Variants in TMED9 observed in about 807,000 individuals in gnomAD.
TMED9 encodes transmembrane emp24 domain-containing protein 9.
A neutral mutation model predicts 30.6 loss-of-function variants in TMED9; 22 were observed. The ratio of observed to expected loss-of-function variants is 0.72; its 90% CI spans 0.51 to 1.03. TMED9 has a LOEUF of 1.03. Among genes scored for constraint, TMED9 ranks in the 50% least tolerant of loss-of-function variants. The probability of loss-of-function intolerance (pLI) is 0.00; values close to 1 mark genes in which losing one functional copy is unlikely to be tolerated. For missense variants in TMED9, 251 were observed against 302.1 expected, an observed-to-expected ratio of 0.83 and a Z score of 1.25; for synonymous variants, 146 against 122.8, an observed-to-expected ratio of 1.19 and a Z score of -1.25.
In TMED9 at chr5:177,595,292, C is replaced by T; in HGVS notation, c.584C>T (p.Thr195Ile). The T allele has an allele frequency of 6.2e-7, 1 of 1,603,766 alleles. No individual in the cohort carries two copies. Among genetic ancestry groups the T allele is most frequent in the East Asian group, 2.3e-5 (1 of 44,330 alleles). The part of the protein sequence containing the change: ...QRWREERFRQ[T>I]SESTNQRVLW... Reference sequence around the variant, plus strand: ...TGGCGAGAGGAGCGCTTCCGGCAGACCAGTGAGAGCACCAACCAGCGGGTG... The same window carrying T: ...TGGCGAGAGGAGCGCTTCCGGCAGATCAGTGAGAGCACCAACCAGCGGGTG... The change falls in exon 5 of 5, where the codon ACC (threonine) becomes ATC (isoleucine). Residue 195 changes from threonine to isoleucine, a missense_variant. By Grantham distance (89) the Thr-to-Ile change is moderately conservative. This residue lies in a region of TMED9 where 153 missense variants were observed against 239.6 expected (regional missense o/e 0.64). Transcript: ENST00000332598.
At chr5:177,593,400 G>A (rs4490602) in intron 2 of TMED9, 1 of 459,156 alleles carries the variant, frequency 2.2e-6, no homozygotes, top group Non-Finnish European at 3.9e-6. Flanking sequence ...AGCTATAAAG[G>A]AAAGCCCTTC....
intron 4 of TMED9, 126 bp from the exon 5 acceptor site, chr5:177,595,141 T>G: frequency 1.0e-6 from 1 of 995,238 alleles, no homozygotes; most frequent in Non-Finnish European, 1.4e-6. Flanking sequence ...CCAGGTAGAG[T>G]GACACTTTGC....
intron 4 of TMED9, 110 bp downstream of exon 4, chr5:177,594,395 C>G: frequency 7.5e-7 from 1 of 1,330,944 alleles, no homozygotes; most frequent in East Asian, 2.5e-5. Flanking sequence ...CTTACCTGCA[C>G]TGCATTGTAG....
chr5:177,594,937 T>G (rs1162849460), intron 4 of TMED9, among the ~76,000 whole-genome samples: 1 of 152,162 alleles, frequency 6.6e-6, no homozygotes, highest in African/African-American at 2.4e-5. Flanking sequence ...AGGAGCAGTG[T>G]GGGAGACCTA....
At position 177,592,696 on chromosome 5, in the gene TMED9, CT is replaced by C. The variant is rs749568290; in HGVS notation, c.285+22del. ...ACAAGGTGAGCCAACCGCCCCCCTC[CT>C]CTCCGCCAGCCTCTCAGCTAGGCGG... On this transcript the variant is annotated intron_variant, in intron 2 of 4. Transcript: ENST00000332598. 44 of 1,543,442 alleles carry C rather than the reference CT, an allele frequency of 2.9e-5. No individual in the cohort carries two copies. In the African/African-American group the frequency reaches 5.4e-4, roughly 19 times the overall value.
chr5:177,593,288 T>A (rs1391125762), intron 2 of TMED9: 1 of 194,330 alleles, frequency 5.1e-6, no homozygotes, highest in Non-Finnish European at 1.1e-5. Flanking sequence ...ATAGCATCAC[T>A]GCACTCCAGC....
intron 4 of TMED9, 22 bp from the exon 5 acceptor site, chr5:177,595,245 C>T (rs1010905692): frequency 1.3e-6 from 2 of 1,526,488 alleles, no homozygotes. Context: ...CCAACTCAGG[C>T]TCACCTTATA....
At chr5:177,592,489 G>C in intron 1 of TMED9, 86 bp from the exon 2 acceptor site, 2 of 1,557,124 alleles carry the variant, frequency 1.3e-6, no homozygotes, top group Non-Finnish European at 1.7e-6. Context: ...AGAGCCGGGA[G>C]GAGACGGCCT....
At position 177,595,344 on chromosome 5, in the gene TMED9, C is replaced by T; in HGVS notation, c.636C>T (p.Leu212=). 2.5e-6 allele frequency: 4 copies of T among 1,613,422 alleles called. No individual in the cohort carries two copies. The highest frequency in any genetic ancestry group is 3.4e-6 in the Non-Finnish European group (4 of 1,179,490). Residue 212 remains leucine (L), a synonymous_variant, in exon 5 of 5, where the codon CTC becomes CTT. Coordinates refer to ENST00000332598, the MANE Select transcript of TMED9 (RefSeq NM_017510.6). ...TGTGGTGGTCCATTCTGCAGACCCT[C>T]ATCCTCGTGGCCATCGGTGTCTGGC... ...RVLWWSILQT[L]ILVAIGVWQM...
chr5:177,594,034 G>C (rs1456380229), intron 3 of TMED9, 105 bp from the exon 4 acceptor site: 1 of 1,471,268 alleles, frequency 6.8e-7, no homozygotes, highest in East Asian at 2.3e-5. Context: ...CCAGTCTGTT[G>C]GCTAAATGAA....
chr5:177,593,504 C>T, intron 2 of TMED9, 146 bp from the exon 3 acceptor site: 1 of 1,017,570 alleles, frequency 9.8e-7, no homozygotes, highest in Non-Finnish European at 1.5e-6. Flanking sequence ...ATGGCAACAG[C>T]TGCTGAGCAG....
chr5:177,594,185 C>T lies in TMED9; in HGVS notation c.458C>T (p.Ala153Val), dbSNP rs577200733. The change falls in exon 4 of 5, where the codon GCA becomes GTA. Residue 153 changes from alanine to valine, a missense_variant. Coordinates refer to ENST00000332598, the MANE Select transcript of TMED9 (RefSeq NM_017510.6). Reference sequence around the variant, plus strand: ...GTAGGTGAACATGCCAATGACTATGCAGAAATTGCTGCTAAAGACAAGTTG... The same window carrying T: ...GTAGGTGAACATGCCAATGACTATGTAGAAATTGCTGCTAAAGACAAGTTG... Reference protein sequence around the residue: ...IQVGEHANDYAEIAAKDKLSE... With the variant: ...IQVGEHANDYVEIAAKDKLSE... The T allele has an allele frequency of 5.0e-6, 8 of 1,614,210 alleles. No homozygotes were observed. In the Admixed American group the frequency reaches 6.7e-5, roughly 13 times the overall value.
In TMED9 at chr5:177,592,349, G is replaced by C. The variant is rs1185811543; in HGVS notation, c.135G>C (p.Thr45=). The C allele has an allele frequency of 1.3e-5, 21 of 1,605,500 alleles. No homozygotes were observed. Among genetic ancestry groups the C allele is most frequent in the Non-Finnish European group, 1.8e-5 (21 of 1,176,190 alleles). The change falls in exon 1 of 5, where the codon ACG becomes ACC. Residue 45 remains threonine (T), a synonymous_variant. Transcript: ENST00000332598. ...GSALYFHIGE[T]EKKCFIEEIP... ...CGCTCTACTTTCACATCGGAGAGAC[G>C]GAGAAGAAGTGCTTTATTGAGGAGA...
In TMED9 at chr5:177,597,137, A is replaced by G. The variant is rs181189763; in HGVS notation, c.*1721A>G. ...GAAAAAAAAAAGTTTTTTGGCGGGC[A>G]CGGTGGTTCACACCTGTAATCCCAG... On this transcript the variant is annotated 3_prime_UTR_variant, in exon 5 of 5. Transcript: ENST00000332598. Among the ~76,000 whole-genome samples, 1 of 151,676 alleles carries G rather than the reference A, an allele frequency of 6.6e-6. No individual in the cohort carries two copies. Among genetic ancestry groups the G allele is most frequent in the Non-Finnish European group, 1.5e-5 (1 of 67,974 alleles).
At chr5:177,593,487 CA>C in intron 2 of TMED9, 162 bp from the exon 3 acceptor site, 1 of 860,136 alleles carries the variant, frequency 1.2e-6, no homozygotes, top group Non-Finnish European at 1.8e-6. Context: ...AGTTCTCACA[CA>C]AGCATATGGC....
At position 177,592,287 on chromosome 5, in the gene TMED9, C is replaced by T. The variant is rs1767598333; in HGVS notation, c.73C>T (p.Leu25Phe). Residue 25 changes from leucine (L) to phenylalanine (F), a missense_variant, in exon 1 of 5, where the codon CTC becomes TTC. Physicochemically the swap from Leu to Phe is conservative, Grantham distance 22 (BLOSUM62 0). This residue lies in a region of TMED9 where 98 missense variants were observed against 62.5 expected (regional missense o/e 1.57). Transcript: ENST00000332598. ...CGGGCTGGGTAGAGTGATGCGGACC[C>T]TCCTGCTGGTGCTGTGGCTGGCGAC... ...GTGLGRVMRT[L>F]LLVLWLATRG... is the part of the protein sequence containing the mutation. The T allele has an allele frequency of 6.2e-7, 1 of 1,611,852 alleles. No individual in the cohort carries two copies. The highest frequency in any genetic ancestry group is 8.5e-7 in the Non-Finnish European group (1 of 1,179,114).
chr5:177,592,382 C>T lies in TMED9; in HGVS notation c.168C>T (p.Asp56=). 2 of 1,601,340 alleles carry T rather than the reference C, an allele frequency of 1.2e-6. No homozygotes were observed. Among genetic ancestry groups the T allele is most frequent in the Non-Finnish European group, 1.7e-6 (2 of 1,174,030 alleles). The change falls in exon 1 of 5, where the codon GAC becomes GAT. Residue 56 remains aspartate, a synonymous_variant. Coordinates refer to ENST00000332598, the MANE Select transcript of TMED9 (RefSeq NM_017510.6). Reference sequence around the variant, plus strand: ...AGTGCTTTATTGAGGAGATCCCGGACGAGACCATGGTCATAGGTGCGGGGG... The same window carrying T: ...AGTGCTTTATTGAGGAGATCCCGGATGAGACCATGGTCATAGGTGCGGGGG... ...EKKCFIEEIP[D]ETMVIGNYRT... is the part of the protein sequence containing the mutation.
At position 177,594,136 on chromosome 5, in the gene TMED9, CAGAG is replaced by C; in HGVS notation, c.412_415del (p.Arg138PhefsTer7). The C allele has an allele frequency of 6.2e-7, 1 of 1,614,140 alleles. No individual in the cohort carries two copies. Among genetic ancestry groups the C allele is most frequent in the South Asian group, 1.1e-5 (1 of 91,056 alleles). ...TTCCCTTATCTCCTTTGTCTGTCCT[CAGAG>C]AGTTCACCTGGACATCCAGGTAGGT... On this transcript the variant is annotated splice_acceptor_variant and coding_sequence_variant, in exon 4 of 5. Transcript: ENST00000332598. LOFTEE classifies it high-confidence loss of function.
At chr5:177,594,771 AATTT>A (rs1384993993) in intron 4 of TMED9, among the ~76,000 whole-genome samples, 14 of 152,146 alleles carry the variant, frequency 9.2e-5, no homozygotes, top group African/African-American at 2.9e-4. Flanking sequence ...CGAACATTTT[AATTT>A]ATTTTTTATT....
Sources: allele counts gnomAD v4.1 joint callset (sites outside exome capture counted in the v4.1 genomes callset), GRCh38; gene constraint gnomAD v4.1.1; regional missense constraint gnomAD v4.1.1; transcripts MANE v1.5; gene names NCBI Gene and HGNC (gene_info 2026-07-23, HGNC 2026-07-21).